Variants in SHANK2 observed in about 807,000 individuals in gnomAD.
The protein encoded by SHANK2 is SH3 and multiple ankyrin repeat domains protein 2.
SHANK2 carries 43 observed loss-of-function variants against 133.7 expected under a neutral mutation model. The ratio of observed to expected loss-of-function variants is 0.32; its 90% CI spans 0.25 to 0.41. SHANK2 has a LOEUF of 0.41. Ranked by LOEUF, SHANK2 falls within the 10% of genes least tolerant of loss-of-function variation. The pLI is 1.00. For synonymous variants in SHANK2, 1,017 were observed against 952.8 expected (o/e 1.07, Z -1.24); for missense variants, 1,994 against 2,235.8 (o/e 0.89, Z 2.18).
chr11:70,896,667 A>T, intron 10 of SHANK2, 100 bp from the exon 11 acceptor site: 2 of 652,902 alleles, frequency 3.1e-6, no homozygotes, highest in South Asian at 3.5e-5. Flanking sequence ...AAAGAAGTCC[A>T]ATCAGAACCT....
intron 10 of SHANK2, chr11:70,948,165 C>T (rs1364097121): frequency 1.2e-5 from 5 of 407,562 alleles, no homozygotes; most frequent in South Asian, 7.0e-5. Context: ...AAGCCGCCCT[C>T]GGCTCCCAGC....
chr11:70,552,930 A>G (rs2059788240), intron 17 of SHANK2, among the ~76,000 whole-genome samples: 1 of 152,068 alleles, frequency 6.6e-6, no homozygotes, highest in African/African-American at 2.4e-5. Flanking sequence ...AGAGCAACGT[A>G]TCTCAGCGTT....
At chr11:70,930,495 G>A (rs1325526983) in intron 10 of SHANK2, among the ~76,000 whole-genome samples, 2 of 152,098 alleles carry the variant, frequency 1.3e-5, no homozygotes, top group Admixed American at 6.5e-5. Flanking sequence ...TGTATTTATT[G>A]TTTTAATGCT....
At chr11:71,108,934 C>T (rs1046602492) in intron 6 of SHANK2, among the ~76,000 whole-genome samples, 1 of 149,650 alleles carries the variant, frequency 6.7e-6, no homozygotes, top group Non-Finnish European at 1.5e-5. Context: ...CCACACCCAG[C>T]GGGCCCCCCC....
chr11:71,194,831 T>G (rs2135595656), intron 2 of SHANK2, among the ~76,000 whole-genome samples: 1 of 152,320 alleles, frequency 6.6e-6, no homozygotes, highest in Non-Finnish European at 1.5e-5. Flanking sequence ...GAAGACCTGC[T>G]ACAGCTGCAG....
rs1419130232 is a variant in SHANK2 at position 70,798,519 on chromosome 11, G to A, written c.1701C>T (p.Ser567=). 21 of 718,480 alleles carry A rather than the reference G, an allele frequency of 2.9e-5. No homozygotes were observed. Among genetic ancestry groups the A allele is most frequent in the Non-Finnish European group, 1.8e-5 (7 of 385,102 alleles). 44.5% of individuals were successfully genotyped at this position (718,480 alleles called of 1,614,324 possible). A position where few individuals can be genotyped will look rare whatever the true frequency, so the allele number is the denominator to read the frequency against. The change falls in exon 14 of 26, where the codon AGC becomes AGT. Residue 567 remains serine, a synonymous_variant. Transcript: ENST00000601538. ...GAAACCATCCGATGTGGCCGCGGGCGCTGCCTTCCCAGAAGCCCCCTTCAC... is the reference window on the plus strand; with the variant it reads ...GAAACCATCCGATGTGGCCGCGGGCACTGCCTTCCCAGAAGCCCCCTTCAC... The part of the protein sequence containing the change: ...SIGEGGFWEG[S]ARGHIGWFPA...
chr11:71,132,008 G>A (rs1555103784), intron 3 of SHANK2, among the ~76,000 whole-genome samples: 2 of 152,366 alleles, frequency 1.3e-5, no homozygotes, highest in African/African-American at 2.4e-5. Flanking sequence ...CTCGATCCTG[G>A]CAGCACACAG....
chr11:70,478,612 G>T (rs2058694473), intron 25 of SHANK2, among the ~76,000 whole-genome samples: 1 of 152,200 alleles, frequency 6.6e-6, no homozygotes, highest in Non-Finnish European at 1.5e-5. Flanking sequence ...CCGAGGCCTG[G>T]ATGTGGGGAC....
At chr11:70,736,675 C>T (rs1394222304) in intron 14 of SHANK2, among the ~76,000 whole-genome samples, 3 of 152,180 alleles carry the variant, frequency 2.0e-5, no homozygotes, top group Non-Finnish European at 4.4e-5. Context: ...CTGAGACAAT[C>T]CGTTCTCTGC....
intron 17 of SHANK2, among the ~76,000 whole-genome samples, chr11:70,602,577 G>C (rs542060358): frequency 3.5e-4 from 54 of 152,194 alleles, no homozygotes; most frequent in Non-Finnish European, 7.1e-4. Flanking sequence ...CCTCCACGAG[G>C]CTCTGGAAAC....
intron 17 of SHANK2, among the ~76,000 whole-genome samples, chr11:70,587,865 T>C (rs1554987201): frequency 1.3e-5 from 2 of 152,276 alleles, no homozygotes; most frequent in Admixed American, 1.3e-4. Context: ...CCACTGTGCC[T>C]GGCCTGAGGC....
intron 17 of SHANK2, among the ~76,000 whole-genome samples, chr11:70,637,912 C>T (rs573164401): frequency 2.0e-4 from 31 of 152,276 alleles, no homozygotes; most frequent in African/African-American, 7.0e-4. Flanking sequence ...CCACAGCTCA[C>T]GCCAAGCCGG....
chr11:70,694,592 A>C (rs1945353995), intron 15 of SHANK2, among the ~76,000 whole-genome samples: 1 of 152,206 alleles, frequency 6.6e-6, no homozygotes, highest in African/African-American at 2.4e-5. Flanking sequence ...TCTGCTGCTC[A>C]TTAGTCTACT....
intron 21 of SHANK2, among the ~76,000 whole-genome samples, chr11:70,498,420 C>T (rs770019092): frequency 2.6e-5 from 4 of 152,188 alleles, no homozygotes; most frequent in Non-Finnish European, 5.9e-5. Context: ...CCTGCAGGCT[C>T]TGAGTCACAC....
chr11:70,854,205 G>A (rs1197334306), intron 11 of SHANK2, among the ~76,000 whole-genome samples: 1 of 152,148 alleles, frequency 6.6e-6, no homozygotes, highest in Non-Finnish European at 1.5e-5. Context: ...TCTATTCAGA[G>A]GCAAATAAAT....
At chr11:70,574,339 A>AC (rs1303673448) in intron 17 of SHANK2, among the ~76,000 whole-genome samples, 1 of 152,038 alleles carries the variant, frequency 6.6e-6, no homozygotes, top group Non-Finnish European at 1.5e-5. Context: ...TAAATTCCCC[A>AC]CCTTCCCCAC....
chr11:70,568,041 G>C (rs2059989283), intron 17 of SHANK2, among the ~76,000 whole-genome samples: 1 of 152,258 alleles, frequency 6.6e-6, no homozygotes, highest in Non-Finnish European at 1.5e-5. Context: ...CTGATGGCCA[G>C]TACTGGAGGC....
intron 14 of SHANK2, among the ~76,000 whole-genome samples, chr11:70,782,065 G>A (rs1175641872): frequency 2.0e-5 from 3 of 152,158 alleles, no homozygotes; most frequent in Non-Finnish European, 4.4e-5. Flanking sequence ...TGAACAATGA[G>A]AATACTTATT....
chr11:70,492,307 C>T lies in SHANK2; in HGVS notation c.2439+28G>A, dbSNP rs782107146. ...TTCCTGGGCACCGTCGGCCCCCGCC[C>T]TCGTGGTCCCAAGGTACGGCCACTC... On this transcript the variant is annotated intron_variant, in intron 22 of 25. Transcript: ENST00000601538. 5.6e-6 allele frequency: 9 copies of T among 1,606,442 alleles called. No individual in the cohort carries two copies. The Admixed American group carries it at 1.3e-4, about 24-fold the overall frequency.
Sources: allele counts gnomAD v4.1 joint callset (sites outside exome capture counted in the v4.1 genomes callset), GRCh38; gene constraint gnomAD v4.1.1; transcripts MANE v1.5; gene names NCBI Gene and HGNC (gene_info 2026-07-23, HGNC 2026-07-21).